POU6F2: variants seen among roughly 807,000 people sequenced by gnomAD.
The protein encoded by POU6F2 is POU domain, class 6, transcription factor 2.
In POU6F2, 31 loss-of-function variants were observed where a neutral mutation model predicts 71.3. The observed-to-expected ratio is 0.43, with a 90% CI of 0.33 to 0.59. The LOEUF (loss-of-function observed/expected upper bound fraction) is 0.59, where lower values mean the gene tolerates loss of function less well. POU6F2 is among the 20% of genes least tolerant of loss of function. POU6F2 has a pLI of 0.04. For missense variants in POU6F2, 783 were observed against 856.8 expected (o/e 0.91, Z 1.07); for synonymous variants, 347 against 355.7 (o/e 0.98, Z 0.27).
chr7:39,180,903 A>T (rs192585620), intron 2 of POU6F2, among the ~76,000 whole-genome samples: 2 of 152,298 alleles, frequency 1.3e-5, no homozygotes, highest in Non-Finnish European at 2.9e-5. Context: ...GTTCTCATTG[A>T]CTAAGCATCA....
chr7:39,186,854 C>G (rs998560163), intron 2 of POU6F2, among the ~76,000 whole-genome samples: 1 of 152,174 alleles, frequency 6.6e-6, no homozygotes, highest in Non-Finnish European at 1.5e-5. Flanking sequence ...ACCCTGCCCC[C>G]AGGCATTGAC....
intron 7 of POU6F2, among the ~76,000 whole-genome samples, chr7:39,439,156 T>TTA (rs958874743): frequency 9.9e-5 from 15 of 151,864 alleles, no homozygotes; most frequent in Non-Finnish European, 1.9e-4. Context: ...AAAGTCTATT[T>TTA]TATCAGAGAC....
At chr7:39,257,877 A>C (rs1418319126) in intron 4 of POU6F2, among the ~76,000 whole-genome samples, 1 of 152,042 alleles carries the variant, frequency 6.6e-6, no homozygotes. Flanking sequence ...ATTTTTCCCC[A>C]TAGACGTGTT....
At chr7:39,335,452 A>G (rs1294069528) in intron 4 of POU6F2, among the ~76,000 whole-genome samples, 1 of 152,164 alleles carries the variant, frequency 6.6e-6, no homozygotes, top group Non-Finnish European at 1.5e-5. Context: ...TCTTCTCACA[A>G]GCACAGCCAC....
intron 1 of POU6F2, chr7:39,083,441 A>C (rs1791167680): frequency 6.6e-6 from 1 of 152,172 alleles, no homozygotes. Context: ...TTGACATCAC[A>C]TGACGAGTAT....
intron 4 of POU6F2, among the ~76,000 whole-genome samples, chr7:39,242,851 C>A (rs1420255206): frequency 6.6e-6 from 1 of 152,098 alleles, no homozygotes; most frequent in Non-Finnish European, 1.5e-5. Context: ...ATCTTCACAC[C>A]ACCTCCATCA....
intron 6 of POU6F2, among the ~76,000 whole-genome samples, chr7:39,419,411 G>T (rs963202561): frequency 6.6e-6 from 1 of 151,624 alleles, no homozygotes; most frequent in African/African-American, 2.4e-5. Flanking sequence ...ACTAATTTTC[G>T]TATTTTTTAA....
intron 2 of POU6F2, among the ~76,000 whole-genome samples, chr7:39,113,059 A>G (rs1791853391): frequency 6.6e-6 from 1 of 152,164 alleles, no homozygotes; most frequent in Non-Finnish European, 1.5e-5. Flanking sequence ...ATTCCAAAGA[A>G]ACACAGTATA....
intron 4 of POU6F2, among the ~76,000 whole-genome samples, chr7:39,274,985 T>G (rs1336972699): frequency 1.5e-4 from 22 of 150,726 alleles, no homozygotes; most frequent in Non-Finnish European, 3.3e-4. Flanking sequence ...CTTTGAAAAC[T>G]GGCACAAGAC....
intron 1 of POU6F2, among the ~76,000 whole-genome samples, chr7:39,020,528 C>T (rs1399853589): frequency 2.0e-5 from 3 of 152,008 alleles, no homozygotes; most frequent in African/African-American, 4.8e-5. Flanking sequence ...ATCCATGAGT[C>T]CTTTTCATTA....
intron 2 of POU6F2, among the ~76,000 whole-genome samples, chr7:39,100,560 A>T (rs1291055738): frequency 6.6e-6 from 1 of 152,306 alleles, no homozygotes; most frequent in African/African-American, 2.4e-5. Flanking sequence ...CTCATTTAAC[A>T]TGTGTCGATC....
At chr7:39,316,316 T>G (rs542978123) in intron 4 of POU6F2, among the ~76,000 whole-genome samples, 10 of 152,284 alleles carry the variant, frequency 6.6e-5, no homozygotes, top group South Asian at 6.2e-4. Flanking sequence ...TGTTTTGATT[T>G]CCTTTTTTAA....
chr7:39,140,055 C>T (rs1305706113), intron 2 of POU6F2, among the ~76,000 whole-genome samples: 1 of 152,168 alleles, frequency 6.6e-6, no homozygotes, highest in Non-Finnish European at 1.5e-5. Context: ...CAGTTTTTGT[C>T]ATACATAAAG....
At chr7:39,299,870 G>T (rs1784921951) in intron 4 of POU6F2, among the ~76,000 whole-genome samples, 6 of 152,208 alleles carry the variant, frequency 3.9e-5, no homozygotes, top group Admixed American at 3.9e-4. Context: ...ACGCTGGCAT[G>T]TGCCCCGAGG....
intron 5 of POU6F2, among the ~76,000 whole-genome samples, chr7:39,394,612 G>A (rs1787136731): frequency 6.6e-6 from 1 of 152,252 alleles, no homozygotes; most frequent in South Asian, 2.1e-4. Context: ...CCTGTCTTAG[G>A]TGTGCTGTGG....
At chr7:39,098,596 A>G (rs1368817714) in intron 2 of POU6F2, among the ~76,000 whole-genome samples, 1 of 152,122 alleles carries the variant, frequency 6.6e-6, no homozygotes. Flanking sequence ...CTTATACTAT[A>G]AAGTAGTGCT....
intron 2 of POU6F2, among the ~76,000 whole-genome samples, chr7:39,190,757 C>T (rs969805258): frequency 6.6e-6 from 1 of 151,330 alleles, no homozygotes; most frequent in Non-Finnish European, 1.5e-5. Context: ...CCTGCCTCAG[C>T]CTCCTGAGTA....
chr7:39,442,040 A>C (rs1788418119), intron 7 of POU6F2, among the ~76,000 whole-genome samples: 1 of 152,166 alleles, frequency 6.6e-6, no homozygotes, highest in Non-Finnish European at 1.5e-5. Context: ...CATTGCCTCC[A>C]TTTGGCTCCT....
chr7:39,414,523 A>G (rs1283106700), intron 6 of POU6F2, among the ~76,000 whole-genome samples: 1 of 152,128 alleles, frequency 6.6e-6, no homozygotes. Flanking sequence ...TTGATGGTAA[A>G]TGGCGCTGTT....
Sources: gnomAD v4.1 joint callset for allele counts (sites outside exome capture counted in the v4.1 genomes callset) on GRCh38, gnomAD v4.1.1 for gene constraint, MANE v1.5 for transcripts, NCBI Gene and HGNC (gene_info 2026-07-23, HGNC 2026-07-21) for gene names.